Variants in HERC3 observed in about 807,000 individuals in gnomAD.
HERC3 encodes HECT and RLD domain containing E3 ubiquitin protein ligase 3, also known as probable E3 ubiquitin-protein ligase HERC3.
Under a neutral mutation model 129.9 loss-of-function variants are expected in HERC3, and 58 were observed. The observed-to-expected ratio is 0.45, with a 90% confidence interval of 0.36 to 0.56. The LOEUF (loss-of-function observed/expected upper bound fraction) is 0.56, where lower values mean the gene tolerates loss of function less well. Ranked by LOEUF, HERC3 falls within the 20% of genes least tolerant of loss-of-function variation. The pLI is 0.00. For synonymous variants in HERC3, 430 were observed against 451.0 expected (o/e 0.95, Z 0.59); for missense variants, 835 against 1,244.2 (o/e 0.67, Z 4.95).
chr4:88,679,669 C>G (rs3017917), intron 19 of HERC3, among the ~76,000 whole-genome samples: 1 of 151,700 alleles, frequency 6.6e-6, no homozygotes, highest in Non-Finnish European at 1.5e-5. Context: ...AGGTGCCCAC[C>G]ACCATGCCAG....
chr4:88,554,345 C>CA, the HERC3 span, among the ~76,000 whole-genome samples: 1,154 of 59,026 alleles, frequency 0.02, 11 homozygotes, highest in Middle Eastern at 0.025. Flanking sequence ...ACTCCATCTC[C>CA]AAAAAAAAAA....
At chr4:88,656,110 T>A in intron 9 of HERC3, 75 bp downstream of exon 9, 1 of 1,451,662 alleles carries the variant, frequency 6.9e-7, no homozygotes, top group Non-Finnish European at 9.5e-7. Context: ...ATGTATCTAT[T>A]ACTTACTTTG....
intron 23 of HERC3, chr4:88,690,573 A>G (rs1379695336): frequency 1.0e-6 from 1 of 985,152 alleles, no homozygotes; most frequent in African/African-American, 1.7e-5. Context: ...GAGTCATCAT[A>G]GTGCTCTGTG....
the HERC3 span, among the ~76,000 whole-genome samples, chr4:88,568,157 C>T: frequency 5.3e-5 from 8 of 152,310 alleles, no homozygotes; most frequent in East Asian, 1.9e-4. Flanking sequence ...CTCCATGCTG[C>T]GCAGGCTGAA....
At chr4:88,567,942 G>A in the HERC3 span, among the ~76,000 whole-genome samples, 2 of 152,266 alleles carry the variant, frequency 1.3e-5, no homozygotes, top group Admixed American at 6.5e-5. Context: ...GGCTTGCCAA[G>A]TATTTAAAGC....
At chr4:88,677,677 C>T (rs997397447) in intron 18 of HERC3, among the ~76,000 whole-genome samples, 2 of 152,102 alleles carry the variant, frequency 1.3e-5, no homozygotes, top group Non-Finnish European at 2.9e-5. Flanking sequence ...TTTCTTCAAG[C>T]ATGATACTAT....
At chr4:88,674,141 T>G (rs1455212926) in intron 16 of HERC3, among the ~76,000 whole-genome samples, 1 of 151,312 alleles carries the variant, frequency 6.6e-6, no homozygotes, top group East Asian at 1.9e-4. Flanking sequence ...ACCTCTGGGG[T>G]GTGGGAAGGG....
the HERC3 span, among the ~76,000 whole-genome samples, chr4:88,540,145 G>A: frequency 6.6e-6 from 1 of 152,216 alleles, no homozygotes; most frequent in Non-Finnish European, 1.5e-5. Context: ...ACTTCTCTGA[G>A]CTAAAAGAGC....
At chr4:88,606,314 A>G (rs189265735) in intron 3 of HERC3, among the ~76,000 whole-genome samples, 3 of 146,662 alleles carry the variant, frequency 2.0e-5, no homozygotes, top group African/African-American at 5.1e-5. Context: ...TGCAGTGGTG[A>G]GATCTTGGCT....
the HERC3 span, among the ~76,000 whole-genome samples, chr4:88,531,569 A>C: frequency 6.6e-6 from 1 of 152,216 alleles, no homozygotes; most frequent in Non-Finnish European, 1.5e-5. Flanking sequence ...AATCTGTGGC[A>C]GCTGTTGCTC....
chr4:88,531,827 C>T, the HERC3 span, among the ~76,000 whole-genome samples: 2 of 152,134 alleles, frequency 1.3e-5, no homozygotes, highest in Admixed American at 6.5e-5. Flanking sequence ...GAATGCTGCA[C>T]TCTCTAGATG....
At chr4:88,594,134 C>T (rs1722076039) in intron 1 of HERC3, among the ~76,000 whole-genome samples, 1 of 152,144 alleles carries the variant, frequency 6.6e-6, no homozygotes, top group South Asian at 2.1e-4. Context: ...CAGTAAGTAG[C>T]TGGAGTTTAC....
the HERC3 span, among the ~76,000 whole-genome samples, chr4:88,528,519 G>A: frequency 6.6e-6 from 1 of 152,082 alleles, no homozygotes; most frequent in Non-Finnish European, 1.5e-5. Context: ...CCTTCCCATT[G>A]TCAAATTAGT....
the HERC3 span, among the ~76,000 whole-genome samples, chr4:88,545,606 T>C: frequency 6.6e-6 from 1 of 151,914 alleles, no homozygotes; most frequent in Admixed American, 6.6e-5. Flanking sequence ...TTTTTTCTTT[T>C]TTAGAGACAG....
chr4:88,577,210 G>T, the HERC3 span, among the ~76,000 whole-genome samples: 12 of 152,134 alleles, frequency 7.9e-5, no homozygotes, highest in South Asian at 2.5e-3. Context: ...TTGGTTCAAG[G>T]TCCTTTAGAC....
At chr4:88,551,728 A>G in the HERC3 span, among the ~76,000 whole-genome samples, 5 of 152,188 alleles carry the variant, frequency 3.3e-5, no homozygotes, top group Non-Finnish European at 5.9e-5. Flanking sequence ...CAGTGTGGCA[A>G]TTCCTCAGGG....
At chr4:88,545,493 C>T in the HERC3 span, among the ~76,000 whole-genome samples, 1 of 142,274 alleles carries the variant, frequency 7.0e-6, no homozygotes, top group Non-Finnish European at 1.5e-5. Context: ...AGTGCAGTGG[C>T]GCAGTCATGG....
At chr4:88,528,408 A>G in the HERC3 span, among the ~76,000 whole-genome samples, 5 of 152,314 alleles carry the variant, frequency 3.3e-5, no homozygotes, top group African/African-American at 1.2e-4. Flanking sequence ...CAAGGTGGTA[A>G]CAGTAATACT....
At chr4:88,640,224 G>A (rs1437487999) in intron 3 of HERC3, among the ~76,000 whole-genome samples, 2 of 152,162 alleles carry the variant, frequency 1.3e-5, no homozygotes, top group South Asian at 4.1e-4. Context: ...CCATTACTGG[G>A]TATATACCCA....
Sources: gnomAD v4.1 joint callset for allele counts (sites outside exome capture counted in the v4.1 genomes callset) on GRCh38, gnomAD v4.1.1 for gene constraint, MANE v1.5 for transcripts, NCBI Gene and HGNC (gene_info 2026-07-23, HGNC 2026-07-21) for gene names.